The following UBR4 variants were observed in gnomAD, a reference collection of about 807,000 sequenced individuals.
UBR4 encodes ubiquitin protein ligase E3 component n-recognin 4.
UBR4 carries 124 observed loss-of-function variants against 575.6 expected under a neutral mutation model. The ratio of observed to expected loss-of-function variants is 0.22; its 90% CI spans 0.19 to 0.25. The LOEUF is 0.25. Ranked by LOEUF, UBR4 falls within the 10% of genes least tolerant of loss-of-function variation. UBR4 has a pLI of 1.00. For synonymous variants in UBR4, 2,455 were observed against 2,473.7 expected (o/e 0.99, Z 0.22); for missense variants, 4,818 against 6,478.8 (o/e 0.74, Z 8.80).
At chr1:19,196,453 C>A in intron 8 of UBR4, among the ~76,000 whole-genome samples, 1 of 152,128 alleles carries the variant, frequency 6.6e-6, no homozygotes, top group East Asian at 1.9e-4. Flanking sequence ...GCTATAACTT[C>A]CAAGACATAC....
rs2085885290 is a variant in UBR4 at position 19,152,569 on chromosome 1, C to T, written c.6833-93G>A. The T allele has an allele frequency of 1.3e-6, 2 of 1,514,726 alleles. No homozygotes were observed. Among genetic ancestry groups the T allele is most frequent in the South Asian group, 2.4e-5 (2 of 82,920 alleles). The allele number at this position is 1,514,726 out of a possible 1,614,324, so 93.8% of individuals were successfully genotyped here. ...TCCTCCCAGACAGAGCCCACACTCA[C>T]ACTCTAATCTAAGCAAACTCTGGAT... On this transcript the variant is annotated intron_variant, in intron 46 of 105. Coordinates refer to ENST00000375254, the MANE Select transcript of UBR4 (RefSeq NM_020765.3). This position sits in a 1 kb window ranked among gnomAD's most constrained non-coding sequence, Gnocchi z 4.4.
Position 19,089,486 on chromosome 1 carries a change from T to C in UBR4, c.14212-509A>G, listed in dbSNP as rs951051080. ...CAGGCTAGGGATACTAGAGGTGCAA[T>C]GACTACAAGCAGGTATGGACATGAA... On this transcript the variant is annotated intron_variant, in intron 97 of 105. Transcript: ENST00000375254. This position sits in a 1 kb window ranked among gnomAD's most constrained non-coding sequence, Gnocchi z 4.3. Among the ~76,000 whole-genome samples, 1 of 152,110 alleles carries C rather than the reference T, an allele frequency of 6.6e-6. No individual in the cohort carries two copies. The highest frequency in any genetic ancestry group is 2.4e-5 in the African/African-American group (1 of 41,410).
Position 19,121,366 on chromosome 1 carries a change from G to C in UBR4, c.9964C>G (p.Leu3322Val). ...CTGCCGCACAGAGCACAGGAGAGCA[G>C]TTGCAGCAGCACTGGGGACACGCCC... The part of the protein sequence containing the change: ...DEGVSPVLLQ[L>V]LSCALCGSKV... Residue 3322 changes from leucine to valine, a missense_variant, in exon 68 of 106, where the codon CTG (leucine) becomes GTG (valine). Physicochemically the swap from Leu to Val is conservative, Grantham distance 32. Transcript: ENST00000375254. 3 of 1,614,200 alleles carry C rather than the reference G, an allele frequency of 1.9e-6. No individual in the cohort carries two copies. The highest frequency in any genetic ancestry group is 2.5e-6 in the Non-Finnish European group (3 of 1,180,022).
chr1:19,153,434 C>A lies in UBR4; in HGVS notation c.6699G>T (p.Leu2233=). ...NEQQRTTMIL[L]CEDGSLRIYM... is the part of the protein sequence containing the mutation. ...AAATGCGCAGGCTGCCATCCTCACA[C>A]AGCAGAATCATTGTTGTCCGCTGCT... The change falls in exon 46 of 106, where the codon CTG becomes CTT. Residue 2233 remains leucine, a synonymous_variant. Transcript: ENST00000375254. This position sits in a 1 kb window ranked among gnomAD's most constrained non-coding sequence, Gnocchi z 4.1. 6.2e-7 allele frequency: 1 copy of A among 1,614,186 alleles called. No homozygotes were observed. The highest frequency in any genetic ancestry group is 8.5e-7 in the Non-Finnish European group (1 of 1,180,034).
intron 1 of UBR4, among the ~76,000 whole-genome samples, 168 bp downstream of exon 1, chr1:19,209,905 A>C (rs2151904141): frequency 6.6e-6 from 1 of 152,294 alleles, no homozygotes; most frequent in Non-Finnish European, 1.5e-5. Context: ...GCGTTGGCGG[A>C]GGGAAACCCA....
Position 19,117,559 on chromosome 1 carries a change from A to T in UBR4, c.10630-145T>A. 9.8e-7 allele frequency: 1 copy of T among 1,023,252 alleles called. No homozygotes were observed. Among genetic ancestry groups the T allele is most frequent in the Non-Finnish European group, 1.4e-6 (1 of 717,326 alleles). The allele number at this position is 1,023,252 out of a possible 1,614,324, so 63.4% of individuals were successfully genotyped here. On this transcript the variant is annotated intron_variant, in intron 72 of 105. Transcript: ENST00000375254. This position sits in a 1 kb window ranked among gnomAD's most constrained non-coding sequence, Gnocchi z 4.0. Reference sequence around the variant, plus strand: ...AAATATTTTGTAGAGATGGGGTCTCACCATCTTGCCCAGGCTGGTCTAAAA... The same window carrying T: ...AAATATTTTGTAGAGATGGGGTCTCTCCATCTTGCCCAGGCTGGTCTAAAA...
chr1:19,162,556 G>A lies in UBR4; in HGVS notation c.4820C>T (p.Thr1607Met), dbSNP rs772469970. The A allele has an allele frequency of 7.4e-6, 12 of 1,613,960 alleles. No homozygotes were observed. Among genetic ancestry groups the A allele is most frequent in the African/African-American group, 1.3e-5 (1 of 74,900 alleles). ...ACCATTACTCTGGCTCAGGGCATTC[G>A]TGACATCAGCCAAGTAAGACATGAT... ...CHIMSYLADV[T>M]NALSQSNGQG... Residue 1607 changes from threonine to methionine, a missense_variant, in exon 35 of 106, where the codon ACG (threonine) becomes ATG (methionine). By Grantham distance (81) the Thr-to-Met change is moderately conservative. Transcript: ENST00000375254.
At chr1:19,115,093 T>A in intron 74 of UBR4, 144 bp from the exon 75 acceptor site, 1 of 1,285,770 alleles carries the variant, frequency 7.8e-7, no homozygotes, top group Non-Finnish European at 1.1e-6. Context: ...ATGAATGACT[T>A]AAGCAGCCAG....
Position 19,139,075 on chromosome 1 carries a change from C to A in UBR4, c.8731+8G>T. On this transcript the variant is annotated splice_region_variant and intron_variant, in intron 59 of 105. Transcript: ENST00000375254. This position sits in a 1 kb window ranked among gnomAD's most constrained non-coding sequence, Gnocchi z 4.2. ...CAAGGAGACAGGACCCCCGCCATGG[C>A]ACATTACCACTGTGCTCGCCAGCCA... is the stretch of plus-strand genomic sequence containing the variant. 1.2e-6 allele frequency: 2 copies of A among 1,605,918 alleles called. No homozygotes were observed. Among genetic ancestry groups the A allele is most frequent in the Non-Finnish European group, 1.7e-6 (2 of 1,174,906 alleles).
Position 19,210,124 on chromosome 1 carries a change from G to C in UBR4, c.125C>G (p.Ser42Cys). 6.3e-7 allele frequency: 1 copy of C among 1,586,752 alleles called. No homozygotes were observed. The highest frequency in any genetic ancestry group is 8.6e-7 in the Non-Finnish European group (1 of 1,169,302). ...CGGCAACTCCTTCATCTCGAAGGCG[G>C]AGTAGGACGCGGACAGCAGGGGCCG... The part of the protein sequence containing the change: ...AVRPLLSASY[S>C]AFEMKELPQL... Residue 42 changes from serine (S) to cysteine (C), a missense_variant, in exon 1 of 106, where the codon TCC becomes TGC. Ser to Cys is a moderately radical substitution (Grantham distance 112, BLOSUM62 -1). Around this residue, in one of 29 missense-constraint regions of UBR4, gnomAD observed 95 missense variants for 87.7 expected, o/e 1.08. Transcript: ENST00000375254.
intron 11 of UBR4, among the ~76,000 whole-genome samples, chr1:19,188,030 TTAAATAAATAAATAAATAAATAAA>T (rs34415262): frequency 1.4e-5 from 2 of 140,928 alleles, no homozygotes; most frequent in African/African-American, 5.2e-5. Context: ...AAACAAAAAA[TTAAATAAATAAATAAATAAATAAA>T]TAAATAAATA....
intron 77 of UBR4, 118 bp from the exon 78 acceptor site, chr1:19,112,985 C>T: frequency 9.8e-7 from 1 of 1,017,428 alleles, no homozygotes. Flanking sequence ...ACTTAATCTT[C>T]TCAATAACCC....
intron 39 of UBR4, 147 bp from the exon 40 acceptor site, chr1:19,158,144 A>C (rs1257375705): frequency 5.6e-6 from 4 of 717,668 alleles, no homozygotes; most frequent in Non-Finnish European, 9.0e-6. Flanking sequence ...ATGGCTGTGT[A>C]AATGTGTTAA....
intron 84 of UBR4, 151 bp from the exon 85 acceptor site, chr1:19,105,340 C>G: frequency 1.1e-6 from 1 of 925,534 alleles, no homozygotes; most frequent in Non-Finnish European, 1.6e-6. Context: ...CAAGACAGCT[C>G]CAATTCCCAC....
chr1:19,147,033 A>G (rs2150152499), intron 51 of UBR4, 33 bp from the exon 52 acceptor site: 1 of 1,551,254 alleles, frequency 6.4e-7, no homozygotes, highest in Non-Finnish European at 8.7e-7. Flanking sequence ...AGGGTCAGCC[A>G]TAAGCAAGAG....
Position 19,141,758 on chromosome 1 carries a change from GTCA to G in UBR4, c.8196_8198del (p.Asp2736del), listed in dbSNP as rs773270221. On this transcript the variant is annotated inframe_deletion, in exon 56 of 106. Transcript: ENST00000375254. ...GCATTTTCTCATCTGCATCATCATC[GTCA>G]TCATCATCCTTGTCTCCTGAGTCAA... 22 of 1,614,056 alleles carry G rather than the reference GTCA, an allele frequency of 1.4e-5. No individual in the cohort carries two copies. Among genetic ancestry groups the G allele is most frequent in the Non-Finnish European group, 1.9e-5 (22 of 1,180,020 alleles).
At chr1:19,115,189 G>A (rs944404519) in intron 74 of UBR4, among the ~76,000 whole-genome samples, 28 of 99,624 alleles carry the variant, frequency 2.8e-4, no homozygotes, top group Admixed American at 1.8e-3. Flanking sequence ...AGACACACTC[G>A]TGTGCACATG....
chr1:19,152,270 T>C lies in UBR4; in HGVS notation c.6996+43A>G. 6.2e-7 allele frequency: 1 copy of C among 1,608,236 alleles called. No individual in the cohort carries two copies. Among genetic ancestry groups the C allele is most frequent in the South Asian group, 1.1e-5 (1 of 90,746 alleles). Reference sequence around the variant, plus strand: ...GTGTTCTCAAACCATATTGTTTGAGTCCTTCTACCCAGGGATTGATCCCAG... The same window carrying C: ...GTGTTCTCAAACCATATTGTTTGAGCCCTTCTACCCAGGGATTGATCCCAG... On this transcript the variant is annotated intron_variant, in intron 47 of 105. Transcript: ENST00000375254. The surrounding 1 kb of genome is among the most constrained non-coding windows in gnomAD (Gnocchi z 4.4).
At chr1:19,165,122 T>C (rs2088108937) in intron 31 of UBR4, 125 bp from the exon 32 acceptor site, 3 of 1,497,680 alleles carry the variant, frequency 2.0e-6, no homozygotes, top group Non-Finnish European at 1.8e-6. Context: ...CCTTCCAAAC[T>C]TTCTCTGAGG....
Sources: allele counts gnomAD v4.1 joint callset (sites outside exome capture counted in the v4.1 genomes callset), GRCh38; gene constraint gnomAD v4.1.1; regional missense constraint gnomAD v4.1.1; non-coding constraint Gnocchi (gnomAD v3.1); transcripts MANE v1.5; gene names NCBI Gene and HGNC (gene_info 2026-07-23, HGNC 2026-07-21).